DISC1: variants seen among roughly 807,000 people sequenced by gnomAD.
DISC1 encodes the protein DISC1 scaffold protein, also known as disrupted in schizophrenia 1 protein.
A neutral mutation model predicts 84.5 loss-of-function variants in DISC1; 57 were observed. The ratio of observed to expected loss-of-function variants is 0.67; its 90% CI spans 0.55 to 0.84. The LOEUF is 0.84. Ranked by LOEUF, DISC1 falls within the 40% of genes least tolerant of loss-of-function variation. DISC1 has a pLI of 0.00. For missense variants in DISC1, 1,000 were observed against 1,057.8 expected (o/e 0.95, Z 0.76); for synonymous variants, 411 against 415.2 (o/e 0.99, Z 0.12).
At chr1:231,759,545 A>C (rs111288915) in intron 4 of DISC1, among the ~76,000 whole-genome samples, 1,489 of 144,506 alleles carry the variant, frequency 0.01, 22 homozygotes, top group Non-Finnish European at 0.014. Context: ...AAAAAAAAAA[A>C]AAAAAACAAA....
intron 3 of DISC1, chr1:231,723,552 T>C: frequency 1.0e-6 from 1 of 985,502 alleles, no homozygotes. Flanking sequence ...ATGTCTGTTA[T>C]ATCAGACTTC....
chr1:231,672,753 C>T (rs1021079359), intron 1 of DISC1, among the ~76,000 whole-genome samples: 26 of 152,300 alleles, frequency 1.7e-4, no homozygotes, highest in South Asian at 6.2e-4. Flanking sequence ...CTCAGAAGTA[C>T]TTGTAGATAC....
At chr1:231,662,390 C>T (rs924388940) in intron 1 of DISC1, among the ~76,000 whole-genome samples, 3 of 152,148 alleles carry the variant, frequency 2.0e-5, no homozygotes, top group African/African-American at 7.2e-5. Flanking sequence ...CACCTCTCCC[C>T]CTGGGAGCTG....
intron 3 of DISC1, among the ~76,000 whole-genome samples, chr1:231,748,512 C>T (rs2074257040): frequency 6.6e-6 from 1 of 152,098 alleles, no homozygotes. Flanking sequence ...GATTTTTGCC[C>T]TTCATTCTAT....
chr1:232,021,380 C>T (rs1472593101), intron 11 of DISC1, among the ~76,000 whole-genome samples: 1 of 148,542 alleles, frequency 6.7e-6, no homozygotes, highest in African/African-American at 2.5e-5. Flanking sequence ...ACACAACCCT[C>T]AGAATATGTG....
At chr1:231,984,320 A>C (rs1224316718) in intron 10 of DISC1, among the ~76,000 whole-genome samples, 1 of 152,232 alleles carries the variant, frequency 6.6e-6, no homozygotes, top group Non-Finnish European at 1.5e-5. Flanking sequence ...GAAAGTAGAG[A>C]AATTGGATGA....
chr1:231,933,330 A>G (rs1458417836), intron 9 of DISC1, among the ~76,000 whole-genome samples: 1 of 152,184 alleles, frequency 6.6e-6, no homozygotes, highest in South Asian at 2.1e-4. Flanking sequence ...CAGCCTTTCA[A>G]TTGTAAGAGG....
intron 9 of DISC1, among the ~76,000 whole-genome samples, chr1:231,912,134 G>A (rs113381002): frequency 0.041 from 6,164 of 152,088 alleles, 430 homozygotes; most frequent in African/African-American, 0.14. Flanking sequence ...CCTTTAGCTC[G>A]GAGAAGTTTA....
chr1:231,932,740 C>G (rs2090742301), intron 9 of DISC1, among the ~76,000 whole-genome samples: 1 of 152,178 alleles, frequency 6.6e-6, no homozygotes, highest in African/African-American at 2.4e-5. Flanking sequence ...TATGTCTCTT[C>G]TAAGCTCAGT....
At chr1:231,900,939 C>G (rs1326076879) in intron 9 of DISC1, among the ~76,000 whole-genome samples, 1 of 152,172 alleles carries the variant, frequency 6.6e-6, no homozygotes, top group Admixed American at 6.6e-5. Flanking sequence ...TCATTACCAC[C>G]TTTCTAGTCT....
At chr1:231,883,508 G>T (rs535123448) in intron 9 of DISC1, among the ~76,000 whole-genome samples, 2 of 152,234 alleles carry the variant, frequency 1.3e-5, no homozygotes, top group South Asian at 4.2e-4. Context: ...GAGTTGCCAG[G>T]TGCTGGGTCC....
intron 1 of DISC1, among the ~76,000 whole-genome samples, chr1:231,673,156 TG>T (rs2062786007): frequency 6.6e-6 from 1 of 152,230 alleles, no homozygotes; most frequent in African/African-American, 2.4e-5. Context: ...ACTGAATATC[TG>T]AACTTGAATC....
At chr1:231,866,650 CTA>C in intron 9 of DISC1, 1 of 1,549,568 alleles carries the variant, frequency 6.5e-7, no homozygotes, top group Non-Finnish European at 8.7e-7. Flanking sequence ...CGCTCAACTA[CTA>C]TTAATTGAAA....
At chr1:231,853,110 T>C (rs200903794) in intron 9 of DISC1, among the ~76,000 whole-genome samples, 19 of 152,212 alleles carry the variant, frequency 1.2e-4, no homozygotes, top group Non-Finnish European at 2.4e-4. Flanking sequence ...TGAGGATGCA[T>C]TGAAGCCCTG....
chr1:231,664,402 C>T (rs1359376014), intron 1 of DISC1, among the ~76,000 whole-genome samples: 2 of 152,112 alleles, frequency 1.3e-5, no homozygotes, highest in Non-Finnish European at 2.9e-5. Flanking sequence ...ATGTCTGCAT[C>T]CCAATCCTGG....
At chr1:231,771,932 G>A (rs895536562) in intron 6 of DISC1, among the ~76,000 whole-genome samples, 7 of 151,534 alleles carry the variant, frequency 4.6e-5, no homozygotes, top group African/African-American at 1.7e-4. Flanking sequence ...AGCATCTGGA[G>A]TAGCTGGAAT....
chr1:231,820,410 T>TA (rs2081401510), intron 9 of DISC1, among the ~76,000 whole-genome samples: 1 of 152,232 alleles, frequency 6.6e-6, no homozygotes, highest in African/African-American at 2.4e-5. Flanking sequence ...AGAGTGTACT[T>TA]ATGCACATAC....
intron 9 of DISC1, among the ~76,000 whole-genome samples, chr1:231,899,060 G>T (rs1183738388): frequency 6.6e-6 from 1 of 151,660 alleles, no homozygotes; most frequent in African/African-American, 2.4e-5. Flanking sequence ...GATCTTACCA[G>T]GAAATCCTCA....
At chr1:232,034,836 G>T (rs1670365084) in intron 12 of DISC1, among the ~76,000 whole-genome samples, 1 of 151,780 alleles carries the variant, frequency 6.6e-6, no homozygotes, top group South Asian at 2.1e-4. Context: ...GTATAAAGTG[G>T]TATATGTTTT....
Sources: gnomAD v4.1 joint callset for allele counts (sites outside exome capture counted in the v4.1 genomes callset) on GRCh38, gnomAD v4.1.1 for gene constraint, MANE v1.5 for transcripts, NCBI Gene and HGNC (gene_info 2026-07-23, HGNC 2026-07-21) for gene names.